BACH2: variants seen among roughly 807,000 people sequenced by gnomAD.
BACH2 encodes transcription regulator protein BACH2.
Under a neutral mutation model 61.8 loss-of-function variants are expected in BACH2, and 5 were observed. The observed-to-expected ratio is 0.08, with a 90% CI of 0.04 to 0.17. The LOEUF is 0.17. Ranked by LOEUF, BACH2 falls within the 10% of genes least tolerant of loss-of-function variation. The pLI is 1.00. For synonymous variants in BACH2, 446 were observed against 440.1 expected, an observed-to-expected ratio of 1.01 and a Z score of -0.17; for missense variants, 824 against 1,091.1, an observed-to-expected ratio of 0.76 and a Z score of 3.45.
chr6:89,988,853 T>C (rs938693049), intron 6 of BACH2, among the ~76,000 whole-genome samples: 13 of 152,242 alleles, frequency 8.5e-5, no homozygotes, highest in Admixed American at 2.0e-4. Flanking sequence ...GTCCCCTGTC[T>C]AGAGCTCCTG....
intron 3 of BACH2, among the ~76,000 whole-genome samples, chr6:90,210,703 C>G (rs1455685416): frequency 6.6e-6 from 1 of 152,022 alleles, no homozygotes; most frequent in Non-Finnish European, 1.5e-5. Flanking sequence ...TCCTCTAGTA[C>G]TGAACAAAAG....
At chr6:89,979,140 TG>T (rs1775815573) in intron 6 of BACH2, among the ~76,000 whole-genome samples, 1 of 152,178 alleles carries the variant, frequency 6.6e-6, no homozygotes, top group Admixed American at 6.5e-5. Flanking sequence ...GAAGTGTGGA[TG>T]AAAAAAACGC....
chr6:90,186,688 C>T (rs1383110263), intron 4 of BACH2, among the ~76,000 whole-genome samples: 2 of 152,152 alleles, frequency 1.3e-5, no homozygotes, highest in African/African-American at 4.8e-5. Context: ...CCCCTGCCCC[C>T]GTGACAATGG....
intron 4 of BACH2, among the ~76,000 whole-genome samples, chr6:90,198,620 T>C (rs1768846573): frequency 6.6e-6 from 1 of 152,216 alleles, no homozygotes; most frequent in Non-Finnish European, 1.5e-5. Flanking sequence ...CACATGACCC[T>C]TTCACTCAAG....
intron 2 of BACH2, among the ~76,000 whole-genome samples, chr6:90,267,065 G>GA (rs1291483420): frequency 6.6e-6 from 1 of 151,556 alleles, no homozygotes; most frequent in Admixed American, 6.6e-5. Flanking sequence ...TGATCTTGAA[G>GA]AAAAAAAACA....
At chr6:90,047,665 T>C (rs994941332) in intron 5 of BACH2, among the ~76,000 whole-genome samples, 3 of 152,088 alleles carry the variant, frequency 2.0e-5, no homozygotes, top group African/African-American at 7.2e-5. Context: ...ATTCTGAGGG[T>C]GAGTTAAGTT....
At chr6:90,290,675 T>C (rs939833922) in intron 1 of BACH2, among the ~76,000 whole-genome samples, 2 of 152,228 alleles carry the variant, frequency 1.3e-5, no homozygotes, top group South Asian at 4.1e-4. Flanking sequence ...AATCATCACA[T>C]TGGGATCTCC....
chr6:90,033,772 T>C (rs1188611137), intron 5 of BACH2, among the ~76,000 whole-genome samples: 1 of 151,706 alleles, frequency 6.6e-6, no homozygotes, highest in Non-Finnish European at 1.5e-5. Context: ...TAAAAAAAAA[T>C]CAAAATGGCA....
chr6:89,938,060 C>T, intron 8 of BACH2, 84 bp downstream of exon 8: 1 of 1,344,074 alleles, frequency 7.4e-7, no homozygotes, highest in South Asian at 1.3e-5. Flanking sequence ...ACCCTTCTGT[C>T]TACTTTTCCA....
At chr6:90,128,997 G>C (rs1322128666) in intron 4 of BACH2, among the ~76,000 whole-genome samples, 1 of 152,052 alleles carries the variant, frequency 6.6e-6, no homozygotes, top group Non-Finnish European at 1.5e-5. Context: ...TCACTCATAG[G>C]TGGGAATTGA....
intron 7 of BACH2, among the ~76,000 whole-genome samples, chr6:89,945,664 C>G (rs1773678525): frequency 6.6e-6 from 1 of 152,104 alleles, no homozygotes; most frequent in South Asian, 2.1e-4. Context: ...TATCAACAAC[C>G]ACTGAATTGT....
At chr6:90,021,322 CAA>C (rs1297270388) in intron 5 of BACH2, among the ~76,000 whole-genome samples, 1 of 125,536 alleles carries the variant, frequency 8.0e-6, no homozygotes, top group African/African-American at 3.0e-5. Flanking sequence ...AAAAAACCAA[CAA>C]AAAAATCACA....
intron 1 of BACH2, among the ~76,000 whole-genome samples, chr6:90,275,968 TAA>T (rs57698514): frequency 8.3e-5 from 12 of 144,110 alleles, no homozygotes; most frequent in Non-Finnish European, 1.4e-4. Context: ...GATTTCGTCT[TAA>T]AAAAAAAAAA....
At chr6:90,049,545 T>C (rs1779940355) in intron 5 of BACH2, among the ~76,000 whole-genome samples, 2 of 152,206 alleles carry the variant, frequency 1.3e-5, no homozygotes, top group South Asian at 2.1e-4. Flanking sequence ...TAAGATGCTG[T>C]ATGTCTTTTT....
chr6:90,291,801 C>T (rs1325953980), intron 1 of BACH2, among the ~76,000 whole-genome samples: 1 of 152,032 alleles, frequency 6.6e-6, no homozygotes, highest in Non-Finnish European at 1.5e-5. Context: ...TCCGTCATTC[C>T]CAAGGCCTTG....
At chr6:90,296,053 C>T (rs1772360708) in intron 1 of BACH2, among the ~76,000 whole-genome samples, 1 of 152,070 alleles carries the variant, frequency 6.6e-6, no homozygotes, top group Non-Finnish European at 1.5e-5. Context: ...ACCCGGGCCT[C>T]GCCGGGCCGG....
chr6:90,065,367 G>C (rs1780906276), intron 5 of BACH2, among the ~76,000 whole-genome samples: 1 of 139,958 alleles, frequency 7.1e-6, no homozygotes. Flanking sequence ...ATGTGGAACA[G>C]AGATGAGTCA....
At position 90,008,630 on chromosome 6, in the gene BACH2, T is replaced by G. The variant is rs1777538231; in HGVS notation, c.215A>C (p.Asn72Thr). The G allele has an allele frequency of 6.2e-7, 1 of 1,614,190 alleles. No homozygotes were observed. Among genetic ancestry groups the G allele is most frequent in the Non-Finnish European group, 8.5e-7 (1 of 1,180,032 alleles). Reference sequence around the variant, plus strand: ...CTCAGGCAAGCTGACCACCAAATCATTTTTTGTCTGTCCAACCAGCGCCTG... The same window carrying G: ...CTCAGGCAAGCTGACCACCAAATCAGTTTTTGTCTGTCCAACCAGCGCCTG... ...FWQALVGQTK[N>T]DLVVSLPEEV... The change falls in exon 6 of 9, where the codon AAT becomes ACT. Residue 72 changes from asparagine to threonine, a missense_variant. This residue lies in a region of BACH2 where 66 missense variants were observed against 144.8 expected (regional missense o/e 0.46). Coordinates refer to ENST00000257749, the MANE Select transcript of BACH2 (RefSeq NM_021813.4). This position sits in a 1 kb window ranked among gnomAD's most constrained non-coding sequence, Gnocchi z 4.1.
intron 4 of BACH2, among the ~76,000 whole-genome samples, chr6:90,161,005 T>A (rs1009886840): frequency 4.0e-5 from 6 of 151,470 alleles, no homozygotes; most frequent in South Asian, 2.1e-4. Flanking sequence ...GAGGAATTGC[T>A]TGAACCCGGG....
Sources: gnomAD v4.1 joint callset for allele counts (sites outside exome capture counted in the v4.1 genomes callset) on GRCh38, gnomAD v4.1.1 for gene constraint, gnomAD v4.1.1 regional missense constraint, Gnocchi (gnomAD v3.1) non-coding constraint, MANE v1.5 for transcripts, NCBI Gene and HGNC (gene_info 2026-07-23, HGNC 2026-07-21) for gene names.